Variants in GOLGA2 observed in about 807,000 individuals in gnomAD.
GOLGA2 encodes golgin A2, also known as golgin subfamily A member 2.
GOLGA2 carries 49 observed loss-of-function variants against 148.8 expected under a neutral mutation model. The ratio of observed to expected loss-of-function variants is 0.33; its 90% CI spans 0.26 to 0.42. The LOEUF is 0.42. GOLGA2 is among the 10% of genes least tolerant of loss of function. The pLI is 1.00. For synonymous variants in GOLGA2, 501 were observed against 511.8 expected (o/e 0.98, Z 0.28); for missense variants, 1,178 against 1,304.6 (o/e 0.90, Z 1.49).
In GOLGA2 at chr9:128,260,106, C is replaced by A; in HGVS notation, c.1842G>T (p.Leu614=). 6.2e-7 allele frequency: 1 copy of A among 1,610,612 alleles called. No homozygotes were observed. Among genetic ancestry groups the A allele is most frequent in the South Asian group, 1.1e-5 (1 of 91,064 alleles). The change falls in exon 19 of 27, where the codon CTG becomes CTT. Residue 614 remains leucine (L), a synonymous_variant. Coordinates refer to ENST00000611957, the MANE Select transcript of GOLGA2 (RefSeq NM_001366244.2). The surrounding 1 kb of genome is among the most constrained non-coding windows in gnomAD (Gnocchi z 4.8). ...CCTTCAGCTCGCTCAGCTTCTCCTG[C>A]AGCTCGCCCAGCTTCTTTCCCAGCT... ...KRELGKKLGE[L]QEKLSELKET... is the part of the protein sequence containing the mutation.
In GOLGA2 at chr9:128,258,772, T is replaced by G. The variant is rs990760654; in HGVS notation, c.2174-202A>C. On this transcript the variant is annotated intron_variant, in intron 21 of 26. Transcript: ENST00000611957. This position sits in a 1 kb window ranked among gnomAD's most constrained non-coding sequence, Gnocchi z 6.6. ...GGTGCAGTCCCACTACCGATCAGCA[T>G]GGGAGTTCTGACCTGCTTCATTTCT... The G allele has an allele frequency of 1.1e-4, 66 of 615,548 alleles. No individual in the cohort carries two copies. The highest frequency in any genetic ancestry group is 1.2e-4 in the Admixed American group (4 of 34,418). The allele number at this position is 615,548 out of a possible 1,614,324, so 38.1% of individuals were successfully genotyped here.
At position 128,258,162 on chromosome 9, in the gene GOLGA2, C is replaced by T. The variant is rs567492679; in HGVS notation, c.2326G>A (p.Glu776Lys). 6.9e-6 allele frequency: 11 copies of T among 1,604,516 alleles called. No individual in the cohort carries two copies. In the South Asian group the frequency reaches 9.9e-5, roughly 15 times the overall value. The part of the protein sequence containing the change: ...FFNSAVASAE[E>K]EQARLRGQLK... ...TGCCCACGTAGCCTTGCCTGCTCCT[C>T]CTCGGCACTGGCTACAGCTGAGTTG... is the stretch of plus-strand genomic sequence containing the variant. Residue 776 changes from glutamate to lysine, a missense_variant, in exon 23 of 27, where the codon GAG becomes AAG. Around this residue, in one of 5 missense-constraint regions of GOLGA2, gnomAD observed 529 missense variants for 521.8 expected, o/e 1.01. Coordinates refer to ENST00000611957, the MANE Select transcript of GOLGA2 (RefSeq NM_001366244.2). This position sits in a 1 kb window ranked among gnomAD's most constrained non-coding sequence, Gnocchi z 6.6.
Position 128,260,534 on chromosome 9 carries a change from G to A in GOLGA2, c.1689C>T (p.Ser563=). 6.2e-7 allele frequency: 1 copy of A among 1,613,318 alleles called. No individual in the cohort carries two copies. Reference sequence around the variant, plus strand: ...GCTCCCGGTTCTGGGAGAGTGCGCGGCTGATGGTAGTGCGGTCGTTCTGCA... The same window carrying A: ...GCTCCCGGTTCTGGGAGAGTGCGCGACTGATGGTAGTGCGGTCGTTCTGCA... The part of the protein sequence containing the change: ...ETMQNDRTTI[S]RALSQNRELK... The change falls in exon 18 of 27, where the codon AGC becomes AGT. Residue 563 remains serine, a synonymous_variant. Coordinates refer to ENST00000611957, the MANE Select transcript of GOLGA2 (RefSeq NM_001366244.2). This position sits in a 1 kb window ranked among gnomAD's most constrained non-coding sequence, Gnocchi z 4.8.
At chr9:128,265,558 G>A in intron 12 of GOLGA2, 27 bp downstream of exon 12, 1 of 1,510,714 alleles carries the variant, frequency 6.6e-7, no homozygotes. Flanking sequence ...CAGTATGCCA[G>A]GGGACGGGGC....
At chr9:128,268,373 A>G (rs1337631669) in intron 4 of GOLGA2, 47 bp downstream of exon 4, 1 of 1,124,796 alleles carries the variant, frequency 8.9e-7, no homozygotes, top group East Asian at 2.3e-5. Flanking sequence ...AAGATAATGC[A>G]TAATAGGTAC....
rs1159269576 is a variant in GOLGA2 at position 128,260,541 on chromosome 9, G to A, written c.1682C>T (p.Thr561Ile). Residue 561 changes from threonine (T) to isoleucine (I), a missense_variant, in exon 18 of 27, where the codon ACC (threonine) becomes ATC (isoleucine). Transcript: ENST00000611957. The surrounding 1 kb of genome is among the most constrained non-coding windows in gnomAD (Gnocchi z 4.8). ...GTTCTGGGAGAGTGCGCGGCTGATG[G>A]TAGTGCGGTCGTTCTGCATGGTCTC... The part of the protein sequence containing the change: ...ILETMQNDRT[T>I]ISRALSQNRE... 1 of 1,613,274 alleles carries A rather than the reference G, an allele frequency of 6.2e-7. No homozygotes were observed. Among genetic ancestry groups the A allele is most frequent in the East Asian group, 2.2e-5 (1 of 44,878 alleles).
At position 128,258,632 on chromosome 9, in the gene GOLGA2, GC is replaced by G. The variant is rs1464791213; in HGVS notation, c.2174-63del. On this transcript the variant is annotated intron_variant, in intron 21 of 26. Coordinates refer to ENST00000611957, the MANE Select transcript of GOLGA2 (RefSeq NM_001366244.2). This position sits in a 1 kb window ranked among gnomAD's most constrained non-coding sequence, Gnocchi z 6.6. ...ACAAGGGTACAGTGGGCCCACCTCT[GC>G]CCCCACCCTCACTGTGTAACCCTGG... 3.3e-6 allele frequency: 4 copies of G among 1,221,668 alleles called. No individual in the cohort carries two copies. The highest frequency in any genetic ancestry group is 4.1e-5 in the Admixed American group (2 of 48,540). 75.7% of individuals were successfully genotyped at this position (1,221,668 alleles called of 1,614,324 possible). A position where few individuals can be genotyped will look rare whatever the true frequency, so the allele number is the denominator to read the frequency against.
rs1372173943 is a variant in GOLGA2 at position 128,266,969 on chromosome 9, C to G, written c.642+225G>C. 1 of 604,674 alleles carries G rather than the reference C, an allele frequency of 1.7e-6. No homozygotes were observed. Among genetic ancestry groups the G allele is most frequent in the African/African-American group, 1.9e-5 (1 of 53,664 alleles). 37.5% of individuals were successfully genotyped at this position (604,674 alleles called of 1,614,324 possible). A position where few individuals can be genotyped will look rare whatever the true frequency, so the allele number is the denominator to read the frequency against. Reference sequence around the variant, plus strand: ...CCCCAGGGCGTGTGTGGCAAGGACTCGAGCAGGGGTGTCTAGAGAAGAGAG... The same window carrying G: ...CCCCAGGGCGTGTGTGGCAAGGACTGGAGCAGGGGTGTCTAGAGAAGAGAG... On this transcript the variant is annotated intron_variant, in intron 8 of 26. Coordinates refer to ENST00000611957, the MANE Select transcript of GOLGA2 (RefSeq NM_001366244.2). This position sits in a 1 kb window ranked among gnomAD's most constrained non-coding sequence, Gnocchi z 4.2.
Position 128,260,957 on chromosome 9 carries a change from G to A in GOLGA2, c.1421-155C>T, listed in dbSNP as rs544165575. 4.0e-4 allele frequency: 271 copies of A among 675,752 alleles called. 3 individuals are homozygous for A. In the South Asian group the frequency reaches 4.6e-3, roughly 12 times the overall value. The allele number at this position is 675,752 out of a possible 1,614,324, so 41.9% of individuals were successfully genotyped here. On this transcript the variant is annotated intron_variant, in intron 17 of 26. Coordinates refer to ENST00000611957, the MANE Select transcript of GOLGA2 (RefSeq NM_001366244.2). This position sits in a 1 kb window ranked among gnomAD's most constrained non-coding sequence, Gnocchi z 4.8. ...ATCTTCCAAACCACTTTCCGATAGCGACAACTGTGGGTGGCTGACAACGGG... is the reference window on the plus strand; with the variant it reads ...ATCTTCCAAACCACTTTCCGATAGCAACAACTGTGGGTGGCTGACAACGGG...
At position 128,258,476 on chromosome 9, in the gene GOLGA2, G is replaced by C; in HGVS notation, c.2268C>G (p.Asp756Glu). 1 of 1,612,992 alleles carries C rather than the reference G, an allele frequency of 6.2e-7. No individual in the cohort carries two copies. The highest frequency in any genetic ancestry group is 8.5e-7 in the Non-Finnish European group (1 of 1,179,616). Residue 756 changes from aspartate (D) to glutamate (E), a missense_variant, in exon 22 of 27, where the codon GAC (aspartate) becomes GAG (glutamate). Physicochemically the swap from Asp to Glu is conservative, Grantham distance 45. Around this residue, in one of 5 missense-constraint regions of GOLGA2, gnomAD observed 529 missense variants for 521.8 expected, o/e 1.01. Transcript: ENST00000611957. The surrounding 1 kb of genome is among the most constrained non-coding windows in gnomAD (Gnocchi z 6.6). ...TCACCATGGCTTCCCGGCTCTCCAGGTCCTCCGGGATGCTTGGCATGGGCT... is the reference window on the plus strand; with the variant it reads ...TCACCATGGCTTCCCGGCTCTCCAGCTCCTCCGGGATGCTTGGCATGGGCT... ...VPQPMPSIPEDLESREAMVAF... is the reference protein window; with the variant it reads ...VPQPMPSIPEELESREAMVAF...
chr9:128,262,925 T>G, intron 13 of GOLGA2, 109 bp downstream of exon 13: 3 of 862,582 alleles, frequency 3.5e-6, no homozygotes, highest in Non-Finnish European at 5.9e-6. Flanking sequence ...TGGGCACACA[T>G]GCACACCTCT....
Position 128,258,683 on chromosome 9 carries a change from A to T in GOLGA2, c.2174-113T>A. ...GGCCAGCCCCTCCCCAGAGGGAAATAAGCATCTGTTCTTTATTTTTATTTT... is the reference window on the plus strand; with the variant it reads ...GGCCAGCCCCTCCCCAGAGGGAAATTAGCATCTGTTCTTTATTTTTATTTT... On this transcript the variant is annotated intron_variant, in intron 21 of 26. Transcript: ENST00000611957. The surrounding 1 kb of genome is among the most constrained non-coding windows in gnomAD (Gnocchi z 6.6). 1.4e-6 allele frequency: 1 copy of T among 728,242 alleles called. No homozygotes were observed. The highest frequency in any genetic ancestry group is 2.9e-5 in the Admixed American group (1 of 34,638). 45.1% of individuals were successfully genotyped at this position (728,242 alleles called of 1,614,324 possible).
At chr9:128,274,079 C>T (rs553120550) in intron 1 of GOLGA2, 107 bp from the exon 2 acceptor site, 3 of 996,586 alleles carry the variant, frequency 3.0e-6, no homozygotes, top group East Asian at 4.9e-5. Context: ...TGATTTAATG[C>T]CACTAACAAC....
intron 12 of GOLGA2, among the ~76,000 whole-genome samples, chr9:128,264,090 G>A (rs1157239310): frequency 3.3e-5 from 5 of 150,514 alleles, no homozygotes; most frequent in African/African-American, 2.4e-5. Flanking sequence ...GCATGAACCC[G>A]GGAGACAGAG....
chr9:128,269,475 C>T (rs1218969510), intron 3 of GOLGA2, among the ~76,000 whole-genome samples: 1 of 152,162 alleles, frequency 6.6e-6, no homozygotes, highest in Non-Finnish European at 1.5e-5. Flanking sequence ...GTTGTAGGGC[C>T]TCTTTCCTGG....
In GOLGA2 at chr9:128,256,730, T is replaced by G. The variant is rs1394531057; in HGVS notation, c.*337A>C. The stretch of plus-strand genomic sequence containing the variant: ...TTCACCATGTTGACCAGGCTGGTCT[T>G]GAACTCCCAACCTCAGCCTCCCAAA... On this transcript the variant is annotated 3_prime_UTR_variant, in exon 27 of 27. Transcript: ENST00000611957. 1 of 167,202 alleles carries G rather than the reference T, an allele frequency of 6.0e-6. No individual in the cohort carries two copies. Among genetic ancestry groups the G allele is most frequent in the East Asian group, 1.8e-4 (1 of 5,604 alleles). 10.4% of individuals were successfully genotyped at this position (167,202 alleles called of 1,614,324 possible).
chr9:128,256,109 G>C lies in GOLGA2; in HGVS notation c.*958C>G, dbSNP rs1486196259. 1 of 152,676 alleles carries C rather than the reference G, an allele frequency of 6.5e-6. No individual in the cohort carries two copies. The highest frequency in any genetic ancestry group is 2.4e-5 in the African/African-American group (1 of 41,418). The allele number at this position is 152,676 out of a possible 1,614,324, so 9.5% of individuals were successfully genotyped here. On this transcript the variant is annotated 3_prime_UTR_variant, in exon 27 of 27. Coordinates refer to ENST00000611957, the MANE Select transcript of GOLGA2 (RefSeq NM_001366244.2). ...GGCCACCCCAGCAGCCCGTGCCCTC[G>C]CCTGGTCTACAGTTAGCCCCACTGT... is the stretch of plus-strand genomic sequence containing the variant.
chr9:128,275,576 G>A (rs1343172977), intron 1 of GOLGA2: 4 of 1,097,080 alleles, frequency 3.6e-6, no homozygotes, highest in Non-Finnish European at 4.8e-6. Flanking sequence ...TGAATTGCTG[G>A]GGTCCTAGGT....
intron 2 of GOLGA2, chr9:128,273,505 C>T (rs915439919): frequency 1.1e-5 from 5 of 441,010 alleles, no homozygotes; most frequent in African/African-American, 2.0e-5. Context: ...GCCTGGCTTC[C>T]CTTTGAGACT....
Sources: allele counts gnomAD v4.1 joint callset (sites outside exome capture counted in the v4.1 genomes callset), GRCh38; gene constraint gnomAD v4.1.1; regional missense constraint gnomAD v4.1.1; non-coding constraint Gnocchi (gnomAD v3.1); transcripts MANE v1.5; gene names NCBI Gene and HGNC (gene_info 2026-07-23, HGNC 2026-07-21).